CHN2: variants seen among roughly 807,000 people sequenced by gnomAD.
The protein encoded by CHN2 is beta-chimaerin.
CHN2 carries 35 observed loss-of-function variants against 56.3 expected under a neutral mutation model. That is an observed-to-expected ratio of 0.62 (90% confidence interval 0.47 to 0.82). CHN2 has a LOEUF of 0.82. CHN2 is among the 40% of genes least tolerant of loss of function. The pLI, the probability that CHN2 is intolerant of heterozygous loss-of-function variation, is 0.00. For missense variants in CHN2, 491 were observed against 580.5 expected, an observed-to-expected ratio of 0.85 and a Z score of 1.58; for synonymous variants, 210 against 212.8, an observed-to-expected ratio of 0.99 and a Z score of 0.12.
intron 1 of CHN2, among the ~76,000 whole-genome samples, chr7:29,217,518 C>G (rs1042030085): frequency 1.3e-5 from 2 of 152,064 alleles, no homozygotes; most frequent in African/African-American, 4.8e-5. Context: ...TGAAAATGCC[C>G]TGAAAGTTTA....
intron 1 of CHN2, among the ~76,000 whole-genome samples, chr7:29,253,189 G>A (rs762707850): frequency 6.6e-6 from 1 of 152,152 alleles, no homozygotes; most frequent in Non-Finnish European, 1.5e-5. Flanking sequence ...TGTCTTCAAG[G>A]CTGGTGTAGA....
Position 29,462,891 on chromosome 7 carries a change from A to G in CHN2, c.577-17388A>G, listed in dbSNP as rs543645033. Among the ~76,000 whole-genome samples, 96 of 147,520 alleles carry G rather than the reference A, an allele frequency of 6.5e-4. 2 individuals are homozygous for G. The South Asian group carries it at 0.011, about 18-fold the overall frequency. On this transcript the variant is annotated intron_variant, in intron 6 of 12. Coordinates refer to ENST00000222792, the MANE Select transcript of CHN2 (RefSeq NM_004067.4). ...TAACTCGTCATTTAGCATTAGGTAT[A>G]TCTCCTAATGCCATCCCTCCCCCCT...
intron 5 of CHN2, 34 bp downstream of exon 5, chr7:29,398,520 G>A (rs751219640): frequency 7.4e-6 from 10 of 1,350,000 alleles, no homozygotes; most frequent in Admixed American, 1.7e-5. Flanking sequence ...TTTCATTGCT[G>A]TACAAGTGGC....
At chr7:29,456,478 G>C (rs1784758108) in intron 6 of CHN2, among the ~76,000 whole-genome samples, 1 of 152,192 alleles carries the variant, frequency 6.6e-6, no homozygotes, top group Non-Finnish European at 1.5e-5. Context: ...GGAAAGTGAA[G>C]TTCCCCTGTG....
At chr7:29,456,612 C>T (rs1412782646) in intron 6 of CHN2, among the ~76,000 whole-genome samples, 1 of 135,872 alleles carries the variant, frequency 7.4e-6, no homozygotes, top group Non-Finnish European at 1.6e-5. Context: ...ACCACCCGCC[C>T]CCTCCCCCCC....
At chr7:29,342,702 ATAAC>A (rs1340983061) in intron 1 of CHN2, among the ~76,000 whole-genome samples, 2 of 152,246 alleles carry the variant, frequency 1.3e-5, no homozygotes, top group South Asian at 2.1e-4. Context: ...GAATAAAAGA[ATAAC>A]TATTAAGAAA....
At chr7:29,155,438 A>G (rs761479460) in intron 2 of CHN2, among the ~76,000 whole-genome samples, 22 of 152,208 alleles carry the variant, frequency 1.4e-4, no homozygotes, top group Non-Finnish European at 2.9e-4. Flanking sequence ...GAGGTCATTC[A>G]GCCCTTACTG....
chr7:29,239,031 A>G (rs1281701832), intron 1 of CHN2, among the ~76,000 whole-genome samples: 2 of 152,194 alleles, frequency 1.3e-5, no homozygotes, highest in Non-Finnish European at 2.9e-5. Flanking sequence ...TGAACTGGCA[A>G]TGATGTGACC....
intron 1 of CHN2, among the ~76,000 whole-genome samples, chr7:29,301,657 C>CCTCAT (rs749854529): frequency 6.6e-6 from 1 of 151,968 alleles, no homozygotes; most frequent in Non-Finnish European, 1.5e-5. Context: ...CATCTCTCTG[C>CCTCAT]CTCATCTCAT....
intron 6 of CHN2, among the ~76,000 whole-genome samples, chr7:29,448,221 G>A (rs887357742): frequency 5.3e-5 from 8 of 151,602 alleles, no homozygotes; most frequent in Admixed American, 5.3e-4. Context: ...TTAAAGAATG[G>A]GATTTTGATA....
chr7:29,307,160 C>A (rs548184263), intron 1 of CHN2, among the ~76,000 whole-genome samples: 110 of 152,302 alleles, frequency 7.2e-4, no homozygotes, highest in Middle Eastern at 3.4e-3. Context: ...GTCTGTAAAT[C>A]TAATGGTTCC....
intron 1 of CHN2, among the ~76,000 whole-genome samples, chr7:29,302,775 C>G (rs1793798101): frequency 6.6e-6 from 1 of 152,176 alleles, no homozygotes; most frequent in African/African-American, 2.4e-5. Context: ...CCTCCCCTCT[C>G]CAGAACCTGG....
At chr7:29,177,462 C>CA (rs1797503946) in intron 2 of CHN2, among the ~76,000 whole-genome samples, 1 of 151,984 alleles carries the variant, frequency 6.6e-6, no homozygotes, top group African/African-American at 2.4e-5. Context: ...CCATGTTGGC[C>CA]AGCCTGGTCT....
At chr7:29,435,561 G>T (rs1382800916) in intron 6 of CHN2, among the ~76,000 whole-genome samples, 1 of 152,078 alleles carries the variant, frequency 6.6e-6, no homozygotes, top group African/African-American at 2.4e-5. Flanking sequence ...TGAATTCTGG[G>T]GGCAACTATA....
At chr7:29,247,596 C>T (rs1342914727) in intron 1 of CHN2, among the ~76,000 whole-genome samples, 5 of 152,216 alleles carry the variant, frequency 3.3e-5, no homozygotes, top group African/African-American at 1.2e-4. Context: ...TTTGTTCTTT[C>T]CCCTTGCAAA....
Position 29,448,845 on chromosome 7 carries a change from ATTGT to A in CHN2, c.577-31428_577-31425del, listed in dbSNP as rs1262874023. Among the ~76,000 whole-genome samples, 6 of 152,250 alleles carry A rather than the reference ATTGT, an allele frequency of 3.9e-5. No individual in the cohort carries two copies. In the East Asian group the frequency reaches 9.6e-4, roughly 24 times the overall value. The stretch of plus-strand genomic sequence containing the variant: ...TTAGCAGTTATTGCTCTGTATTATA[ATTGT>A]TTGTTAGCTTCTGTTATCCCCAACC... On this transcript the variant is annotated intron_variant, in intron 6 of 12. Transcript: ENST00000222792.
chr7:29,480,328 T>A lies in CHN2; in HGVS notation c.626T>A (p.Phe209Tyr). The A allele has an allele frequency of 2.5e-6, 4 of 1,614,200 alleles. No individual in the cohort carries two copies. Among genetic ancestry groups the A allele is most frequent in the Non-Finnish European group, 3.4e-6 (4 of 1,180,032 alleles). ...GCCCTCACACACAACGACAACCACTTCAATTATGAGAAGACACACAACTTT... is the reference window on the plus strand; with the variant it reads ...GCCCTCACACACAACGACAACCACTACAATTATGAGAAGACACACAACTTT... Reference protein sequence around the residue: ...RAALTHNDNHFNYEKTHNFKV... With the variant: ...RAALTHNDNHYNYEKTHNFKV... Residue 209 changes from phenylalanine (F) to tyrosine (Y), a missense_variant, in exon 7 of 13, where the codon TTC (phenylalanine) becomes TAC (tyrosine). Coordinates refer to ENST00000222792, the MANE Select transcript of CHN2 (RefSeq NM_004067.4).
intron 1 of CHN2, among the ~76,000 whole-genome samples, chr7:29,334,021 A>G (rs1796418361): frequency 6.6e-6 from 1 of 151,856 alleles, no homozygotes; most frequent in African/African-American, 2.4e-5. Flanking sequence ...TACATCTCAA[A>G]AGCCAAATGA....
chr7:29,181,125 A>C (rs528896795), intron 2 of CHN2, among the ~76,000 whole-genome samples: 33 of 152,336 alleles, frequency 2.2e-4, no homozygotes, highest in African/African-American at 7.9e-4. Flanking sequence ...TTTAAAATAT[A>C]TTCTAATTCT....
Sources: gnomAD v4.1 joint callset for allele counts (sites outside exome capture counted in the v4.1 genomes callset) on GRCh38, gnomAD v4.1.1 for gene constraint, MANE v1.5 for transcripts, NCBI Gene and HGNC (gene_info 2026-07-23, HGNC 2026-07-21) for gene names.